The following GNA12 variants were observed in gnomAD, a reference collection of about 807,000 sequenced individuals.
The protein encoded by GNA12 is G protein subunit alpha 12.
In GNA12, 9 loss-of-function variants were observed where a neutral mutation model predicts 26.0. The ratio of observed to expected loss-of-function variants is 0.35; its 90% CI spans 0.21 to 0.60. GNA12 has a LOEUF of 0.60. GNA12 is among the 20% of genes least tolerant of loss of function. The pLI, the probability that GNA12 is intolerant of heterozygous loss-of-function variation, is 0.78. For missense variants in GNA12, 405 were observed against 525.8 expected (o/e 0.77, Z 2.25); for synonymous variants, 264 against 219.6 (o/e 1.20, Z -1.79).
intron 1 of GNA12, among the ~76,000 whole-genome samples, chr7:2,818,491 G>C (rs915152134): frequency 6.6e-6 from 1 of 151,492 alleles, no homozygotes; most frequent in Non-Finnish European, 1.5e-5. Flanking sequence ...AGCCTGGTGC[G>C]GTGGCTCATG....
At chr7:2,837,977 C>T (rs963587997) in intron 1 of GNA12, among the ~76,000 whole-genome samples, 2 of 151,940 alleles carry the variant, frequency 1.3e-5, no homozygotes, top group African/African-American at 4.8e-5. Flanking sequence ...CTGTTAAGTG[C>T]TAAGACATTT....
At chr7:2,838,312 G>A (rs994867968) in intron 1 of GNA12, among the ~76,000 whole-genome samples, 3 of 151,086 alleles carry the variant, frequency 2.0e-5, no homozygotes, top group South Asian at 2.1e-4. Flanking sequence ...AGGGAGGATC[G>A]CTCATGCCTA....
chr7:2,762,721 G>A, intron 2 of GNA12: 1 of 1,561,396 alleles, frequency 6.4e-7, no homozygotes, highest in Non-Finnish European at 8.7e-7. Context: ...GAGGGAAGCA[G>A]GCCCCATGTC....
At chr7:2,814,912 G>T in intron 1 of GNA12, 1 of 1,598,982 alleles carries the variant, frequency 6.3e-7, no homozygotes, top group Non-Finnish European at 8.5e-7. Flanking sequence ...CACGGCCTGG[G>T]AAACATTCTC....
chr7:2,754,293 T>G (rs1233037487), intron 2 of GNA12, among the ~76,000 whole-genome samples: 1 of 152,182 alleles, frequency 6.6e-6, no homozygotes, highest in Non-Finnish European at 1.5e-5. Flanking sequence ...TTTGGTGAAA[T>G]CACTTCATAT....
chr7:2,799,040 A>G (rs1583291569), intron 1 of GNA12, among the ~76,000 whole-genome samples: 1 of 152,236 alleles, frequency 6.6e-6, no homozygotes, highest in Non-Finnish European at 1.5e-5. Flanking sequence ...AGAACTATAT[A>G]TAACATAGGA....
Position 2,734,094 on chromosome 7 carries a change from G to T in GNA12, c.526-593C>A, listed in dbSNP as rs145149976. ...GATTGTTGTGGTGGAATGATGGCCA[G>T]TCTTCTCCTGCCTGGACCAATCATC... On this transcript the variant is annotated intron_variant, in intron 2 of 3. Transcript: ENST00000275364. Among the ~76,000 whole-genome samples, 5 of 152,342 alleles carry T rather than the reference G, an allele frequency of 3.3e-5. No homozygotes were observed. The East Asian group carries it at 9.6e-4, about 29-fold the overall frequency.
chr7:2,774,787 G>T (rs117603743), intron 2 of GNA12, among the ~76,000 whole-genome samples: 1 of 152,276 alleles, frequency 6.6e-6, no homozygotes, highest in East Asian at 1.9e-4. Flanking sequence ...ACAAAGCCCA[G>T]GGTACTTGTT....
intron 1 of GNA12, among the ~76,000 whole-genome samples, chr7:2,820,350 T>C (rs563575312): frequency 3.3e-5 from 5 of 150,992 alleles, no homozygotes; most frequent in Non-Finnish European, 7.4e-5. Flanking sequence ...CACTGAATTG[T>C]AGGCTTTAAA....
chr7:2,738,383 T>C (rs1790320006), intron 2 of GNA12, among the ~76,000 whole-genome samples: 1 of 152,092 alleles, frequency 6.6e-6, no homozygotes, highest in Admixed American at 6.5e-5. Flanking sequence ...GAGAAGCTGC[T>C]TGAGGAAACT....
At chr7:2,825,057 A>T (rs2114966867) in intron 1 of GNA12, among the ~76,000 whole-genome samples, 1 of 152,320 alleles carries the variant, frequency 6.6e-6, no homozygotes, top group African/African-American at 2.4e-5. Context: ...GTAGTACCCA[A>T]GACTCCATGA....
intron 3 of GNA12, among the ~76,000 whole-genome samples, chr7:2,732,328 C>T (rs1789938223): frequency 1.3e-5 from 2 of 152,140 alleles, no homozygotes; most frequent in African/African-American, 4.8e-5. Context: ...GGAGGAATAC[C>T]TTGAGCCCAG....
intron 2 of GNA12, among the ~76,000 whole-genome samples, chr7:2,734,232 A>G (rs1790045021): frequency 6.6e-6 from 1 of 152,120 alleles, no homozygotes; most frequent in Admixed American, 6.6e-5. Flanking sequence ...GCACGGGAGG[A>G]GCCGGGAGAG....
At chr7:2,780,095 C>G (rs1165863266) in intron 2 of GNA12, among the ~76,000 whole-genome samples, 1 of 50,584 alleles carries the variant, frequency 2.0e-5, no homozygotes, top group Non-Finnish European at 3.9e-5. Flanking sequence ...TATATATATG[C>G]CTGTTTTCCC....
rs1789838720 is a variant in GNA12 at position 2,730,595 on chromosome 7, A to T, written c.*586T>A. 6.6e-6 allele frequency: 1 copy of T among 152,462 alleles called. No individual in the cohort carries two copies. Among genetic ancestry groups the T allele is most frequent in the Non-Finnish European group, 1.5e-5 (1 of 68,172 alleles). 9.4% of individuals were successfully genotyped at this position (152,462 alleles called of 1,614,324 possible). A position where few individuals can be genotyped will look rare whatever the true frequency, so the allele number is the denominator to read the frequency against. ...GGGGCTCTTAGGAAATCGGCACGGG[A>T]GTTTGAAAAGGCAACGTGCTCCCTT... On this transcript the variant is annotated 3_prime_UTR_variant, in exon 4 of 4. Transcript: ENST00000275364.
intron 2 of GNA12, among the ~76,000 whole-genome samples, chr7:2,746,217 ATTCTTT>A (rs1329213748): frequency 6.6e-6 from 1 of 152,228 alleles, no homozygotes; most frequent in Non-Finnish European, 1.5e-5. Context: ...CAGAATATAC[ATTCTTT>A]TCAGCACCAC....
intron 2 of GNA12, among the ~76,000 whole-genome samples, chr7:2,778,565 C>T (rs1365758579): frequency 1.3e-5 from 2 of 152,232 alleles, no homozygotes; most frequent in Non-Finnish European, 2.9e-5. Flanking sequence ...TTCAGGAGTT[C>T]AGACCCCTGG....
chr7:2,755,020 C>T (rs1019138303), intron 2 of GNA12, among the ~76,000 whole-genome samples: 4 of 152,188 alleles, frequency 2.6e-5, no homozygotes, highest in Non-Finnish European at 5.9e-5. Context: ...GTCCAGCACC[C>T]TTTGTTGAAA....
chr7:2,829,075 G>GAA (rs748186284), intron 1 of GNA12, among the ~76,000 whole-genome samples: 2 of 49,522 alleles, frequency 4.0e-5, no homozygotes, highest in African/African-American at 7.2e-5. Flanking sequence ...CCTGTCTCAG[G>GAA]AAAAAAAAAA....
Sources: allele counts gnomAD v4.1 joint callset (sites outside exome capture counted in the v4.1 genomes callset), GRCh38; gene constraint gnomAD v4.1.1; transcripts MANE v1.5; gene names NCBI Gene and HGNC (gene_info 2026-07-23, HGNC 2026-07-21).